PALM2AKAP2: variants seen among roughly 807,000 people sequenced by gnomAD.
PALM2AKAP2 encodes PALM2 and AKAP2 fusion, also known as PALM2-AKAP2 fusion protein.
PALM2AKAP2 carries 37 observed loss-of-function variants against 71.5 expected under a neutral mutation model. The ratio of observed to expected loss-of-function variants is 0.52; its 90% CI spans 0.40 to 0.68. PALM2AKAP2 has a LOEUF of 0.68. Among genes scored for constraint, PALM2AKAP2 ranks in the 30% least tolerant of loss-of-function variants. PALM2AKAP2 has a pLI of 0.00. For missense variants in PALM2AKAP2, 1,224 were observed against 1,191.8 expected, an observed-to-expected ratio of 1.03 and a Z score of -0.40; for synonymous variants, 468 against 478.8, an observed-to-expected ratio of 0.98 and a Z score of 0.29.
At chr9:109,669,791 C>T (rs1198738848) in intron 1 of PALM2AKAP2, among the ~76,000 whole-genome samples, 2 of 151,784 alleles carry the variant, frequency 1.3e-5, no homozygotes, top group Non-Finnish European at 2.9e-5. Flanking sequence ...TATACTGATG[C>T]CCCCTTTCAT....
At position 109,948,889 on chromosome 9, in the gene PALM2AKAP2, A is replaced by G. The variant is rs1484945797; in HGVS notation, c.496+16861A>G. Among the ~76,000 whole-genome samples, 6 of 152,356 alleles carry G rather than the reference A, an allele frequency of 3.9e-5. No individual in the cohort carries two copies. In the East Asian group the frequency reaches 1.2e-3, roughly 29 times the overall value. On this transcript the variant is annotated intron_variant, in intron 6 of 9. Transcript: ENST00000302798. ...ATGTTAACAAAATGAATGACAAAAA[A>G]TAGTACTGATGTGCCATTTGACAGT...
At chr9:109,971,624 C>G (rs1832070941) in intron 6 of PALM2AKAP2, among the ~76,000 whole-genome samples, 1 of 152,120 alleles carries the variant, frequency 6.6e-6, no homozygotes. Flanking sequence ...TAGGGTTTCA[C>G]CATGTTGGTC....
chr9:109,705,993 T>C (rs968744617), intron 1 of PALM2AKAP2, among the ~76,000 whole-genome samples: 1 of 152,180 alleles, frequency 6.6e-6, no homozygotes, highest in African/African-American at 2.4e-5. Context: ...AAAGAAGGAA[T>C]GAACCATGCT....
intron 1 of PALM2AKAP2, among the ~76,000 whole-genome samples, chr9:110,085,450 G>A (rs960927121): frequency 6.7e-6 from 1 of 148,988 alleles, no homozygotes; most frequent in African/African-American, 2.4e-5. Flanking sequence ...GGGACACAAT[G>A]GAACAGGTGG....
At chr9:109,942,537 C>A in intron 6 of PALM2AKAP2, 1 of 771,132 alleles carries the variant, frequency 1.3e-6, no homozygotes, top group Non-Finnish European at 2.0e-6. Context: ...CATCTTTATT[C>A]ACAGTGCGCA....
At chr9:110,080,702 G>A (rs988748792) in intron 1 of PALM2AKAP2, among the ~76,000 whole-genome samples, 1 of 151,996 alleles carries the variant, frequency 6.6e-6, no homozygotes, top group African/African-American at 2.4e-5. Flanking sequence ...TTTTTGAGGT[G>A]GAGTCTCACT....
intron 1 of PALM2AKAP2, among the ~76,000 whole-genome samples, chr9:110,102,622 A>T (rs1037771408): frequency 1.4e-5 from 2 of 145,550 alleles, no homozygotes; most frequent in African/African-American, 5.1e-5. Context: ...TCCCCTCCCC[A>T]TTGGGCACTG....
chr9:109,914,888 A>G (rs1057006056), intron 3 of PALM2AKAP2, among the ~76,000 whole-genome samples: 1 of 152,158 alleles, frequency 6.6e-6, no homozygotes, highest in Non-Finnish European at 1.5e-5. Flanking sequence ...TTTTGTGAGC[A>G]CTTCTTTACT....
chr9:110,014,799 AAAAAATGTATATATATATAT>A lies in PALM2AKAP2; in HGVS notation c.497-1153_497-1134del, dbSNP rs1295815789. On this transcript the variant is annotated intron_variant, in intron 6 of 9. Transcript: ENST00000302798. ...TGTCTCAAAAAAAAAAAAAAAAAAA[AAAAAATGTATATATATATAT>A]ATATATATATATATATATATATATA... Among the ~76,000 whole-genome samples, 73 of 56,624 alleles carry A rather than the reference AAAAAATGTATATATATATAT, an allele frequency of 1.3e-3. 6 individuals are homozygous for A. The highest frequency in any genetic ancestry group is 4.7e-3 in the African/African-American group (68 of 14,488). 37.1% of individuals were successfully genotyped at this position (56,624 alleles called of 152,430 possible). A position where few individuals can be genotyped will look rare whatever the true frequency, so the allele number is the denominator to read the frequency against.
intron 1 of PALM2AKAP2, among the ~76,000 whole-genome samples, chr9:109,773,501 T>G (rs2118771651): frequency 6.6e-6 from 1 of 152,310 alleles, no homozygotes; most frequent in East Asian, 1.9e-4. Context: ...ACTTTTGAAG[T>G]ATTTTATTTC....
At chr9:109,928,936 G>A (rs1214637201) in intron 5 of PALM2AKAP2, among the ~76,000 whole-genome samples, 2 of 152,062 alleles carry the variant, frequency 1.3e-5, no homozygotes, top group African/African-American at 2.4e-5. Context: ...CAAAGTGTTG[G>A]GTTTACAGGT....
At chr9:109,867,059 AC>A (rs1308565772) in intron 1 of PALM2AKAP2, 1 of 456,360 alleles carries the variant, frequency 2.2e-6, no homozygotes, top group Non-Finnish European at 4.4e-6. Flanking sequence ...AGAATTTCCC[AC>A]TGTCTTATTC....
chr9:109,850,877 A>T (rs982775293), intron 1 of PALM2AKAP2, among the ~76,000 whole-genome samples: 10 of 152,172 alleles, frequency 6.6e-5, no homozygotes, highest in African/African-American at 2.4e-4. Context: ...CTTGACTGAC[A>T]TTAAAACTAC....
At chr9:109,748,805 G>T (rs547140017) in intron 1 of PALM2AKAP2, among the ~76,000 whole-genome samples, 4 of 152,244 alleles carry the variant, frequency 2.6e-5, no homozygotes, top group African/African-American at 9.6e-5. Context: ...CAAAGTGTTG[G>T]CAGGATTAGT....
intron 3 of PALM2AKAP2, among the ~76,000 whole-genome samples, chr9:109,918,785 T>C (rs1324769118): frequency 1.3e-5 from 2 of 152,246 alleles, no homozygotes; most frequent in Non-Finnish European, 2.9e-5. Context: ...TGTGAACTTA[T>C]AGAAAAATCT....
chr9:109,645,071 A>C (rs1827129671), intron 1 of PALM2AKAP2, among the ~76,000 whole-genome samples: 2 of 152,180 alleles, frequency 1.3e-5, no homozygotes, highest in African/African-American at 4.8e-5. Context: ...TACTGGTACC[A>C]ATGTACTGTA....
chr9:109,821,871 C>G (rs1359323063), intron 1 of PALM2AKAP2, among the ~76,000 whole-genome samples: 1 of 152,172 alleles, frequency 6.6e-6, no homozygotes, highest in Non-Finnish European at 1.5e-5. Flanking sequence ...CATCAAATGC[C>G]TCAGATTCCA....
intron 1 of PALM2AKAP2, among the ~76,000 whole-genome samples, chr9:110,134,142 A>G (rs1404638721): frequency 6.6e-6 from 1 of 152,046 alleles, no homozygotes; most frequent in South Asian, 2.1e-4. Flanking sequence ...AAAATTAGCC[A>G]GGCATGGTAA....
At chr9:110,073,193 T>G (rs1401612196) in intron 1 of PALM2AKAP2, among the ~76,000 whole-genome samples, 1 of 152,242 alleles carries the variant, frequency 6.6e-6, no homozygotes, top group Non-Finnish European at 1.5e-5. Flanking sequence ...AGCCTCTGTC[T>G]GCAAGTCCAT....
Sources: allele counts gnomAD v4.1 joint callset (sites outside exome capture counted in the v4.1 genomes callset), GRCh38; gene constraint gnomAD v4.1.1; transcripts MANE v1.5; gene names NCBI Gene and HGNC (gene_info 2026-07-23, HGNC 2026-07-21).